The following CLSTN2 variants were observed in gnomAD, a reference collection of about 807,000 sequenced individuals.
CLSTN2 encodes the protein calsyntenin 2.
In CLSTN2, 48 loss-of-function variants were observed where a neutral mutation model predicts 101.2. That is an observed-to-expected ratio of 0.47 (90% CI 0.38 to 0.60). The LOEUF is 0.60. Among genes scored for constraint, CLSTN2 ranks in the 20% least tolerant of loss-of-function variants. CLSTN2 has a pLI of 0.00. For synonymous variants in CLSTN2, 481 were observed against 463.6 expected (o/e 1.04, Z -0.48); for missense variants, 1,160 against 1,238.2 (o/e 0.94, Z 0.95).
intron 1 of CLSTN2, among the ~76,000 whole-genome samples, chr3:140,000,385 C>A (rs1200646898): frequency 6.6e-6 from 1 of 152,136 alleles, no homozygotes; most frequent in African/African-American, 2.4e-5. Context: ...ATGTGAAGAC[C>A]AGTGCCTGGC....
intron 8 of CLSTN2, among the ~76,000 whole-genome samples, chr3:140,485,683 T>C (rs889154978): frequency 2.6e-5 from 4 of 152,258 alleles, no homozygotes; most frequent in Middle Eastern, 3.4e-3. Context: ...GCCTCACTGC[T>C]GCCTTGCAGT....
chr3:140,385,437 C>T lies in CLSTN2; in HGVS notation c.233-18192C>T, dbSNP rs942878335. Among the ~76,000 whole-genome samples the T allele has an allele frequency of 1.5e-4, 22 of 142,258 alleles. No individual in the cohort carries two copies. The East Asian group carries it at 4.5e-3, about 29-fold the overall frequency. 93.3% of individuals were successfully genotyped at this position (142,258 alleles called of 152,430 possible). ...AGGCTGGAGTGCAGTGGTGCGATCT[C>T]GACTCGCTGTAAACTCCTCCTCCCG... On this transcript the variant is annotated intron_variant, in intron 2 of 16. Coordinates refer to ENST00000458420, the MANE Select transcript of CLSTN2 (RefSeq NM_022131.3).
chr3:140,527,573 A>AT (rs1306700228), intron 8 of CLSTN2, among the ~76,000 whole-genome samples: 11 of 152,220 alleles, frequency 7.2e-5, no homozygotes, highest in Non-Finnish European at 1.5e-4. Context: ...ATTACTGGAT[A>AT]TTCAGAAGAA....
intron 1 of CLSTN2, among the ~76,000 whole-genome samples, chr3:139,948,226 G>A (rs1440831384): frequency 6.6e-6 from 1 of 152,046 alleles, no homozygotes; most frequent in East Asian, 1.9e-4. Context: ...ACCCATAATG[G>A]AGAGAATCAT....
chr3:140,165,086 A>G (rs957439980), intron 1 of CLSTN2, among the ~76,000 whole-genome samples: 2 of 152,196 alleles, frequency 1.3e-5, no homozygotes, highest in Non-Finnish European at 2.9e-5. Flanking sequence ...TTTCAATCCA[A>G]TTAAAATAGT....
intron 1 of CLSTN2, among the ~76,000 whole-genome samples, chr3:140,122,546 C>T (rs71314536): frequency 3.3e-5 from 5 of 152,186 alleles, no homozygotes; most frequent in Non-Finnish European, 7.3e-5. Flanking sequence ...ATGAAGAAGC[C>T]TCTTGAGCGC....
intron 2 of CLSTN2, among the ~76,000 whole-genome samples, chr3:140,374,254 A>G (rs969493135): frequency 6.6e-6 from 1 of 152,128 alleles, no homozygotes; most frequent in African/African-American, 2.4e-5. Flanking sequence ...TTGATCAGTT[A>G]TCTGTTCTAT....
chr3:139,991,672 A>T (rs1936117277), intron 1 of CLSTN2, among the ~76,000 whole-genome samples: 1 of 152,248 alleles, frequency 6.6e-6, no homozygotes, highest in Non-Finnish European at 1.5e-5. Context: ...GGATATGGTG[A>T]TATTTATATT....
Position 139,935,225 on chromosome 3 carries a change from C to T in CLSTN2, c.-150C>T. ...TGCCGGCGAGCTAGCGGCGCAGCGG[C>T]GGGAACCCGAGGCCGAGCGCCGCGG... is the stretch of plus-strand genomic sequence containing the variant. On this transcript the variant is annotated 5_prime_UTR_variant, in exon 1 of 17. Coordinates refer to ENST00000458420, the MANE Select transcript of CLSTN2 (RefSeq NM_022131.3). The surrounding 1 kb of genome is among the most constrained non-coding windows in gnomAD (Gnocchi z 5.5). The T allele has an allele frequency of 2.8e-6, 1 of 360,500 alleles. No individual in the cohort carries two copies. Among genetic ancestry groups the T allele is most frequent in the Admixed American group, 4.8e-5 (1 of 20,792 alleles). The allele number at this position is 360,500 out of a possible 1,614,324, so 22.3% of individuals were successfully genotyped here.
intron 2 of CLSTN2, among the ~76,000 whole-genome samples, chr3:140,211,614 T>C (rs181659209): frequency 6.6e-6 from 1 of 151,284 alleles, no homozygotes; most frequent in Non-Finnish European, 1.5e-5. Context: ...ATTCATTTAA[T>C]CCTCTGCAAT....
intron 1 of CLSTN2, among the ~76,000 whole-genome samples, chr3:139,949,415 A>T (rs1350961521): frequency 2.6e-5 from 4 of 152,110 alleles, no homozygotes; most frequent in Admixed American, 2.0e-4. Context: ...CTCAGTACAC[A>T]CACATAAGGG....
At chr3:140,014,137 T>C (rs2007147790) in intron 1 of CLSTN2, among the ~76,000 whole-genome samples, 1 of 152,242 alleles carries the variant, frequency 6.6e-6, no homozygotes, top group Non-Finnish European at 1.5e-5. Flanking sequence ...ACTAGGTCAG[T>C]GTTGCCCTTT....
chr3:140,247,313 G>A (rs549957750), intron 2 of CLSTN2, among the ~76,000 whole-genome samples: 11 of 152,246 alleles, frequency 7.2e-5, no homozygotes, highest in African/African-American at 2.2e-4. Flanking sequence ...GTTTTCTTGG[G>A]ATTTTCTTAG....
In CLSTN2 at chr3:139,935,312, G is replaced by C; in HGVS notation, c.-63G>C. 3.3e-6 allele frequency: 3 copies of C among 918,910 alleles called. No homozygotes were observed. Among genetic ancestry groups the C allele is most frequent in the Non-Finnish European group, 1.4e-6 (1 of 706,028 alleles). 56.9% of individuals were successfully genotyped at this position (918,910 alleles called of 1,614,324 possible). A position where few individuals can be genotyped will look rare whatever the true frequency, so the allele number is the denominator to read the frequency against. ...GGCGGCCCACGGTGCGGCAGGCACC[G>C]GGAGGCGAGAGCCGGCGCGGACAGT... On this transcript the variant is annotated 5_prime_UTR_variant, in exon 1 of 17. Coordinates refer to ENST00000458420, the MANE Select transcript of CLSTN2 (RefSeq NM_022131.3). This position sits in a 1 kb window ranked among gnomAD's most constrained non-coding sequence, Gnocchi z 5.5.
chr3:140,362,129 C>T (rs543538127), intron 2 of CLSTN2, among the ~76,000 whole-genome samples: 178 of 152,160 alleles, frequency 1.2e-3, no homozygotes, highest in African/African-American at 3.8e-3. Flanking sequence ...TAAAGATCAA[C>T]GGAACAGAAA....
chr3:140,245,466 T>A (rs528683275), intron 2 of CLSTN2, among the ~76,000 whole-genome samples: 2 of 152,174 alleles, frequency 1.3e-5, no homozygotes, highest in South Asian at 2.1e-4. Context: ...ATGGAACAGA[T>A]AATGAATTTA....
intron 1 of CLSTN2, among the ~76,000 whole-genome samples, chr3:139,982,421 TG>T (rs1023053156): frequency 3.3e-5 from 5 of 152,112 alleles, no homozygotes; most frequent in Non-Finnish European, 7.4e-5. Context: ...ATAATACCCT[TG>T]GTATTCAGAT....
chr3:140,003,102 T>A (rs2006882027), intron 1 of CLSTN2, among the ~76,000 whole-genome samples: 1 of 152,338 alleles, frequency 6.6e-6, no homozygotes, highest in Admixed American at 6.5e-5. Flanking sequence ...CTGTGAAGAA[T>A]GTAATTGGTA....
chr3:140,481,337 T>G (rs1934111741), intron 8 of CLSTN2, among the ~76,000 whole-genome samples: 1 of 152,222 alleles, frequency 6.6e-6, no homozygotes, highest in African/African-American at 2.4e-5. Flanking sequence ...CCATGCTATT[T>G]TGGTTACTGT....
Sources: allele counts gnomAD v4.1 joint callset (sites outside exome capture counted in the v4.1 genomes callset), GRCh38; gene constraint gnomAD v4.1.1; non-coding constraint Gnocchi (gnomAD v3.1); transcripts MANE v1.5; gene names NCBI Gene and HGNC (gene_info 2026-07-23, HGNC 2026-07-21).